NLGN1: variants seen among roughly 807,000 people sequenced by gnomAD.
NLGN1 encodes neuroligin 1.
NLGN1 carries 12 observed loss-of-function variants against 65.5 expected under a neutral mutation model. The ratio of observed to expected loss-of-function variants is 0.18; its 90% CI spans 0.12 to 0.30. The LOEUF is 0.30. Ranked by LOEUF, NLGN1 falls within the 10% of genes least tolerant of loss-of-function variation. NLGN1 has a pLI of 1.00. For synonymous variants in NLGN1, 350 were observed against 359.5 expected (o/e 0.97, Z 0.30); for missense variants, 750 against 1,007.1 (o/e 0.74, Z 3.46).
chr3:174,255,598 A>G (rs1315847769), intron 4 of NLGN1, among the ~76,000 whole-genome samples: 1 of 149,376 alleles, frequency 6.7e-6, no homozygotes, highest in African/African-American at 2.5e-5. Context: ...TATTTAGGTT[A>G]TTATAGAACT....
intron 4 of NLGN1, among the ~76,000 whole-genome samples, chr3:173,888,094 T>C (rs1734692116): frequency 6.6e-6 from 1 of 151,984 alleles, no homozygotes; most frequent in South Asian, 2.1e-4. Context: ...CATAATAAAA[T>C]CTTTGTGAAT....
At chr3:173,746,835 G>A (rs1406047593) in intron 3 of NLGN1, among the ~76,000 whole-genome samples, 1 of 151,802 alleles carries the variant, frequency 6.6e-6, no homozygotes, top group Admixed American at 6.6e-5. Context: ...TTGAGGCCAG[G>A]AGTTCAAGAC....
intron 4 of NLGN1, among the ~76,000 whole-genome samples, chr3:174,016,759 G>A (rs1390175103): frequency 1.3e-5 from 2 of 151,934 alleles, no homozygotes; most frequent in African/African-American, 4.8e-5. Flanking sequence ...TATCTTAATT[G>A]CGGGCCTTAG....
At chr3:173,535,221 A>T (rs1051457414) in intron 2 of NLGN1, among the ~76,000 whole-genome samples, 1 of 152,222 alleles carries the variant, frequency 6.6e-6, no homozygotes, top group African/African-American at 2.4e-5. Flanking sequence ...TTTGGTGCTG[A>T]CCTTCTTTAC....
chr3:173,436,319 G>A (rs586444), intron 2 of NLGN1, among the ~76,000 whole-genome samples: 136,165 of 152,224 alleles, frequency 0.89, 60,962 homozygotes, highest in East Asian at 0.96. Flanking sequence ...ATAAACAAAC[G>A]GAAGACTGCT....
intron 3 of NLGN1, among the ~76,000 whole-genome samples, chr3:173,619,755 C>T (rs1753690567): frequency 6.6e-6 from 1 of 152,156 alleles, no homozygotes; most frequent in African/African-American, 2.4e-5. Flanking sequence ...CTCACTATAA[C>T]AAACATTAGA....
intron 3 of NLGN1, among the ~76,000 whole-genome samples, chr3:173,692,956 C>T (rs1174330010): frequency 6.6e-6 from 1 of 152,082 alleles, no homozygotes; most frequent in Non-Finnish European, 1.5e-5. Context: ...CAAACCATTT[C>T]TCCACCAGTG....
chr3:174,278,430 A>C (rs2152891752), intron 5 of NLGN1, among the ~76,000 whole-genome samples: 1 of 152,108 alleles, frequency 6.6e-6, no homozygotes, highest in East Asian at 1.9e-4. Context: ...TTTTGAAGGA[A>C]GATGGACACA....
intron 2 of NLGN1, among the ~76,000 whole-genome samples, chr3:173,451,136 C>T (rs1267867363): frequency 1.3e-5 from 2 of 152,178 alleles, no homozygotes; most frequent in Non-Finnish European, 2.9e-5. Context: ...AGGAGAGGCG[C>T]TCTGATTTTT....
At chr3:173,980,365 T>A (rs187385060) in intron 4 of NLGN1, among the ~76,000 whole-genome samples, 187 of 152,190 alleles carry the variant, frequency 1.2e-3, no homozygotes, top group Middle Eastern at 6.8e-3. Flanking sequence ...TATTTCACTC[T>A]TCATTAAATC....
chr3:173,634,574 T>A lies in NLGN1; in HGVS notation c.493+29483T>A, dbSNP rs1175897311. ...ATCAGTAATGCATATCTTTTTTGAC[T>A]AATTTGTAATATATATGTGGTAGGA... On this transcript the variant is annotated intron_variant, in intron 3 of 6. Coordinates refer to ENST00000457714, the Ensembl canonical transcript of NLGN1. Among the ~76,000 whole-genome samples, 3 of 152,178 alleles carry A rather than the reference T, an allele frequency of 2.0e-5. No individual in the cohort carries two copies. In the East Asian group the frequency reaches 5.8e-4, roughly 29 times the overall value.
intron 4 of NLGN1, among the ~76,000 whole-genome samples, chr3:173,869,611 C>T (rs1182320143): frequency 1.3e-5 from 2 of 152,086 alleles, no homozygotes; most frequent in South Asian, 2.1e-4. Flanking sequence ...TAGTAAGCCA[C>T]GTTTGCTGGT....
intron 4 of NLGN1, among the ~76,000 whole-genome samples, chr3:174,166,503 C>T (rs13340122): frequency 0.16 from 23,659 of 151,826 alleles, 3,585 homozygotes; most frequent in African/African-American, 0.4. Flanking sequence ...AGAGATCTTC[C>T]GAGTATTGAT....
intron 4 of NLGN1, among the ~76,000 whole-genome samples, chr3:173,867,043 G>A (rs1329437137): frequency 6.6e-6 from 1 of 152,160 alleles, no homozygotes; most frequent in Non-Finnish European, 1.5e-5. Context: ...TTTTCCAACA[G>A]CACAGTCTGT....
intron 2 of NLGN1, among the ~76,000 whole-genome samples, chr3:173,505,417 T>G (rs1731862734): frequency 6.6e-6 from 1 of 152,132 alleles, no homozygotes; most frequent in South Asian, 2.1e-4. Flanking sequence ...CTTAAAATTC[T>G]GCATTGGCTT....
intron 4 of NLGN1, among the ~76,000 whole-genome samples, chr3:174,074,785 C>T (rs1355749912): frequency 1.3e-5 from 2 of 152,108 alleles, no homozygotes; most frequent in African/African-American, 4.8e-5. Context: ...TCTGAAAGTT[C>T]AATTACTCTC....
chr3:173,736,078 A>G (rs1488564), intron 3 of NLGN1, among the ~76,000 whole-genome samples: 92,474 of 151,744 alleles, frequency 0.61, 28,284 homozygotes, highest in East Asian at 0.74. Context: ...GGAGGTAGGC[A>G]CAGACTGAAG....
chr3:173,621,321 G>A (rs1753949021), intron 3 of NLGN1, among the ~76,000 whole-genome samples: 1 of 152,148 alleles, frequency 6.6e-6, no homozygotes, highest in Admixed American at 6.6e-5. Context: ...ACTTTCAACA[G>A]GCAGAGATGT....
In NLGN1 at chr3:174,071,717, C is replaced by CAA. The variant is rs539244392; in HGVS notation, c.647-203580_647-203579dup. Among the ~76,000 whole-genome samples the CAA allele has an allele frequency of 2.6e-3, 240 of 93,002 alleles. 2 individuals carry two copies. Among genetic ancestry groups the CAA allele is most frequent in the Middle Eastern group, 0.013 (2 of 160 alleles). 61.0% of individuals were successfully genotyped at this position (93,002 alleles called of 152,430 possible). A position where few individuals can be genotyped will look rare whatever the true frequency, so the allele number is the denominator to read the frequency against. On this transcript the variant is annotated intron_variant, in intron 4 of 6. Transcript: ENST00000457714. The stretch of plus-strand genomic sequence containing the variant: ...CGAGACCCTTTGCGAGACCCTGTCC[C>CAA]AAAAAAAAAAAAAAAAAAATCAAGT...
Sources: allele counts gnomAD v4.1 joint callset (sites outside exome capture counted in the v4.1 genomes callset), GRCh38; gene constraint gnomAD v4.1.1; transcripts MANE v1.5; gene names NCBI Gene and HGNC (gene_info 2026-07-23, HGNC 2026-07-21).